The following ITCH variants were observed in gnomAD, a reference collection of about 807,000 sequenced individuals.
The protein encoded by ITCH is itchy E3 ubiquitin protein ligase, also known as E3 ubiquitin-protein ligase Itchy homolog.
ITCH carries 28 observed loss-of-function variants against 126.8 expected under a neutral mutation model. That is an observed-to-expected ratio of 0.22 (90% CI 0.16 to 0.30). ITCH has a LOEUF of 0.30. Ranked by LOEUF, ITCH falls within the 10% of genes least tolerant of loss-of-function variation. ITCH has a pLI of 1.00. For missense variants in ITCH, 631 were observed against 1,032.4 expected (o/e 0.61, Z 5.33); for synonymous variants, 342 against 340.0 (o/e 1.01, Z -0.06).
At chr20:34,379,928 C>T (rs1228609166) in intron 2 of ITCH, among the ~76,000 whole-genome samples, 1 of 118,440 alleles carries the variant, frequency 8.4e-6, no homozygotes, top group Non-Finnish European at 1.7e-5. Context: ...GACAGAGTCT[C>T]GCTCTGTCAC....
At chr20:34,434,306 G>A (rs964862341) in intron 7 of ITCH, among the ~76,000 whole-genome samples, 2 of 151,746 alleles carry the variant, frequency 1.3e-5, no homozygotes, top group African/African-American at 4.8e-5. Flanking sequence ...AAACCCTAAG[G>A]GAAAAATAAA....
intron 23 of ITCH, among the ~76,000 whole-genome samples, chr20:34,497,102 T>G (rs1390486418): frequency 6.6e-6 from 1 of 151,846 alleles, no homozygotes; most frequent in Non-Finnish European, 1.5e-5. Flanking sequence ...GATCAAGCAA[T>G]TCTCTTGCCT....
intron 1 of ITCH, among the ~76,000 whole-genome samples, chr20:34,365,982 A>G (rs536583395): frequency 3.3e-5 from 5 of 152,302 alleles, no homozygotes; most frequent in Non-Finnish European, 5.9e-5. Flanking sequence ...GAAGTGGCCA[A>G]TTCTGTGTGT....
At chr20:34,420,120 T>TA (rs1980558162) in intron 6 of ITCH, among the ~76,000 whole-genome samples, 1 of 152,208 alleles carries the variant, frequency 6.6e-6, no homozygotes, top group Non-Finnish European at 1.5e-5. Context: ...TTACATAACA[T>TA]ACAATTAACG....
At chr20:34,506,838 C>G (rs1309077084) in intron 24 of ITCH, among the ~76,000 whole-genome samples, 1 of 152,142 alleles carries the variant, frequency 6.6e-6, no homozygotes, top group Non-Finnish European at 1.5e-5. Flanking sequence ...CCTTTCCTGG[C>G]TGGCTTATTT....
rs1392785005 is a variant in ITCH, at chr20:34,509,236, G to A, written c.*1442G>A. On this transcript the variant is annotated 3_prime_UTR_variant, in exon 25 of 25. Coordinates refer to ENST00000374864, the MANE Select transcript of ITCH (RefSeq NM_031483.7). ...TTGGCCTAGCTTCGACTGTCAAGGT[G>A]GCTGTTATAAATTTGACTTCATTGG... 1 of 152,380 alleles carries A rather than the reference G, an allele frequency of 6.6e-6. No individual in the cohort carries two copies. The highest frequency in any genetic ancestry group is 1.5e-5 in the Non-Finnish European group (1 of 68,024). The allele number at this position is 152,380 out of a possible 1,614,324, so 9.4% of individuals were successfully genotyped here.
intron 24 of ITCH, among the ~76,000 whole-genome samples, chr20:34,505,909 A>G (rs370616046): frequency 1.3e-5 from 2 of 152,182 alleles, no homozygotes; most frequent in East Asian, 3.8e-4. Flanking sequence ...TTCAAGGTTC[A>G]TCCATGGTCT....
At chr20:34,422,548 G>A (rs915232834) in intron 6 of ITCH, among the ~76,000 whole-genome samples, 4 of 144,750 alleles carry the variant, frequency 2.8e-5, no homozygotes, top group Admixed American at 7.2e-5. Context: ...ACCCTTTATA[G>A]CCAAAATGTA....
At chr20:34,491,596 C>T (rs938689645) in intron 22 of ITCH, among the ~76,000 whole-genome samples, 1 of 151,934 alleles carries the variant, frequency 6.6e-6, no homozygotes, top group Non-Finnish European at 1.5e-5. Flanking sequence ...ATCTGGTATA[C>T]ATGTAAAAAA....
At chr20:34,414,457 CTTTTTTT>C (rs770240058) in intron 6 of ITCH, among the ~76,000 whole-genome samples, 1 of 70,826 alleles carries the variant, frequency 1.4e-5, no homozygotes, top group African/African-American at 5.7e-5. Flanking sequence ...ACTTTAAATC[CTTTTTTT>C]TTTTTTTTTT....
Position 34,480,693 on chromosome 20 carries a change from C to A in ITCH, c.1913C>A (p.Ser638Tyr). Residue 638 changes from serine to tyrosine, a missense_variant, in exon 19 of 25, where the codon TCT (serine) becomes TAT (tyrosine). By Grantham distance (144) the Ser-to-Tyr change is moderately radical. Transcript: ENST00000374864. The stretch of plus-strand genomic sequence containing the variant: ...CCAGTTGGACTCAAGGATTTAGAAT[C>A]TATTGATCCAGAATTTTACAATTCT... ...NKPVGLKDLE[S>Y]IDPEFYNSLI... 1 of 1,610,778 alleles carries A rather than the reference C, an allele frequency of 6.2e-7. No individual in the cohort carries two copies. Among genetic ancestry groups the A allele is most frequent in the Non-Finnish European group, 8.5e-7 (1 of 1,177,272 alleles).
chr20:34,475,736 G>T (rs1600443621), intron 16 of ITCH, among the ~76,000 whole-genome samples: 2 of 151,862 alleles, frequency 1.3e-5, no homozygotes, highest in Non-Finnish European at 2.9e-5. Context: ...GCAGGCAGAG[G>T]CAGGCAGAGG....
intron 14 of ITCH, among the ~76,000 whole-genome samples, chr20:34,463,853 T>A (rs550026583): frequency 6.6e-6 from 1 of 152,094 alleles, no homozygotes; most frequent in Admixed American, 6.6e-5. Context: ...TGGGTGTTAA[T>A]CCCTTATCAA....
chr20:34,462,798 C>T lies in ITCH; in HGVS notation c.1424+577C>T, dbSNP rs118121478. ...AGCAGACCTGGTAACCAGCCTTCTA[C>T]TGTCTTTCTCTATGAATTTGACTAG... On this transcript the variant is annotated intron_variant, in intron 14 of 24. Coordinates refer to ENST00000374864, the MANE Select transcript of ITCH (RefSeq NM_031483.7). Among the ~76,000 whole-genome samples, 383 of 152,324 alleles carry T rather than the reference C, an allele frequency of 2.5e-3. 1 individual carries two copies. The highest frequency in any genetic ancestry group is 3.6e-3 in the Non-Finnish European group (245 of 68,032).
At chr20:34,407,789 G>C (rs1203347081) in intron 3 of ITCH, among the ~76,000 whole-genome samples, 1 of 152,118 alleles carries the variant, frequency 6.6e-6, no homozygotes, top group Non-Finnish European at 1.5e-5. Context: ...TTACTACCAA[G>C]TCATTTTCTG....
chr20:34,462,206 C>G lies in ITCH; in HGVS notation c.1409C>G (p.Thr470Arg). 1 of 1,613,784 alleles carries G rather than the reference C, an allele frequency of 6.2e-7. No individual in the cohort carries two copies. Among genetic ancestry groups the G allele is most frequent in the Non-Finnish European group, 8.5e-7 (1 of 1,179,794 alleles). ...ACTACCACCTATATAGATCCCCGCA[C>G]AGGAAAATCTGCCCTGTAAGTTTTC... is the stretch of plus-strand genomic sequence containing the variant. The part of the protein sequence containing the change: ...RRTTTYIDPR[T>R]GKSALDNGPQ... The change falls in exon 14 of 25, where the codon ACA (threonine) becomes AGA (arginine). Residue 470 changes from threonine (T) to arginine (R), a missense_variant. Physicochemically the swap from Thr to Arg is moderately conservative, Grantham distance 71 (BLOSUM62 -1). Coordinates refer to ENST00000374864, the MANE Select transcript of ITCH (RefSeq NM_031483.7).
chr20:34,477,721 CAG>C (rs776526571), intron 16 of ITCH, 49 bp from the exon 17 acceptor site: 1 of 1,534,988 alleles, frequency 6.5e-7, no homozygotes, highest in Non-Finnish European at 9.0e-7. Context: ...AAGTGGTAGA[CAG>C]TGTTTCAATA....
intron 23 of ITCH, among the ~76,000 whole-genome samples, chr20:34,496,576 C>T (rs747498037): frequency 6.6e-6 from 1 of 152,022 alleles, no homozygotes; most frequent in African/African-American, 2.4e-5. Flanking sequence ...GAGGCCGAGA[C>T]GGGTGGATCA....
chr20:34,425,309 C>G (rs774251481), intron 7 of ITCH, among the ~76,000 whole-genome samples: 77 of 152,278 alleles, frequency 5.1e-4, no homozygotes, highest in Middle Eastern at 6.8e-3. Flanking sequence ...CCGCAGGGAC[C>G]TCTGCCCAAG....
Sources: gnomAD v4.1 joint callset for allele counts (sites outside exome capture counted in the v4.1 genomes callset) on GRCh38, gnomAD v4.1.1 for gene constraint, MANE v1.5 for transcripts, NCBI Gene and HGNC (gene_info 2026-07-23, HGNC 2026-07-21) for gene names.